The following HDX variants were observed in gnomAD, a reference collection of about 807,000 sequenced individuals.
HDX encodes chromosome X open reading frame 43.
HDX carries 19 observed loss-of-function variants against 45.2 expected under a neutral mutation model. The ratio of observed to expected loss-of-function variants is 0.42; its 90% CI spans 0.29 to 0.62. The LOEUF (loss-of-function observed/expected upper bound fraction) is 0.62, where lower values mean the gene tolerates loss of function less well. HDX is among the 20% of genes least tolerant of loss of function. HDX has a pLI of 0.20. For missense variants in HDX, 532 were observed against 493.9 expected (o/e 1.08, Z -0.73); for synonymous variants, 188 against 172.8 (o/e 1.09, Z -0.69).
intron 6 of HDX, among the ~76,000 whole-genome samples, chrX:84,346,306 C>A (rs2037202414): frequency 9.0e-6 from 1 of 110,766 alleles, no homozygotes; most frequent in Admixed American, 9.7e-5. Context: ...GAGCTATGAT[C>A]ACATTACATT....
intron 5 of HDX, among the ~76,000 whole-genome samples, chrX:84,419,270 TTTCTGGACCTC>T (rs2039191860): frequency 9.1e-6 from 1 of 110,115 alleles, no homozygotes; most frequent in Non-Finnish European, 1.9e-5. Context: ...TTAGACAGCA[TTTCTGGACCTC>T]TTCTGGGCCA....
chrX:84,501,276 G>T (rs891196527), intron 1 of HDX, among the ~76,000 whole-genome samples: 3 of 111,644 alleles, frequency 2.7e-5, no homozygotes, highest in African/African-American at 9.8e-5. Flanking sequence ...AGGGGTGCGG[G>T]AAAGGGCTTC....
chrX:84,392,754 C>G (rs970311811), intron 5 of HDX, among the ~76,000 whole-genome samples: 78 of 108,613 alleles, frequency 7.2e-4, no homozygotes, highest in African/African-American at 2.6e-3. Context: ...ACTTTCGTAT[C>G]CTGATTTTTG....
At chrX:84,334,804 C>T (rs1457139602) in intron 8 of HDX, among the ~76,000 whole-genome samples, 1 of 109,406 alleles carries the variant, frequency 9.1e-6, no homozygotes, top group Non-Finnish European at 1.9e-5. Flanking sequence ...AGAGGAAAAA[C>T]TAAGCTATAT....
intron 7 of HDX, among the ~76,000 whole-genome samples, chrX:84,337,149 AT>A (rs1210912508): frequency 9.0e-6 from 1 of 110,650 alleles, no homozygotes; most frequent in African/African-American, 3.3e-5. Context: ...GAATAGAGAA[AT>A]TTAGAATCTA....
chrX:84,329,199 C>T (rs1241691420), intron 9 of HDX, among the ~76,000 whole-genome samples: 2 of 111,602 alleles, frequency 1.8e-5, no homozygotes, highest in Non-Finnish European at 3.8e-5. Flanking sequence ...TGATTCCAAA[C>T]GGGAGGAAGA....
intron 10 of HDX, among the ~76,000 whole-genome samples, chrX:84,325,167 A>G (rs1298205249): frequency 1.8e-5 from 2 of 110,837 alleles, no homozygotes. Flanking sequence ...TTTGTGGTTC[A>G]GCACTTCAGT....
intron 4 of HDX, among the ~76,000 whole-genome samples, chrX:84,466,408 T>C (rs2040353546): frequency 8.9e-6 from 1 of 112,000 alleles, no homozygotes; most frequent in Non-Finnish European, 1.9e-5. Context: ...TACCTTCTTA[T>C]CTGTTCACAA....
chrX:84,420,143 A>G (rs917314168), intron 5 of HDX, among the ~76,000 whole-genome samples: 11 of 112,230 alleles, frequency 9.8e-5, no homozygotes, highest in African/African-American at 3.6e-4. Flanking sequence ...CTTAACAAAT[A>G]AATTAAATAA....
intron 5 of HDX, among the ~76,000 whole-genome samples, chrX:84,394,144 C>G (rs2038506008): frequency 9.0e-6 from 1 of 111,056 alleles, no homozygotes; most frequent in African/African-American, 3.3e-5. Flanking sequence ...CTATAAACTT[C>G]CCTCTTAGCA....
chrX:84,349,021 C>T (rs2037270384), intron 6 of HDX, among the ~76,000 whole-genome samples: 1 of 111,353 alleles, frequency 9.0e-6, no homozygotes, highest in Admixed American at 9.6e-5. Flanking sequence ...ACAAAAGTGT[C>T]ACCCCCTCCA....
At chrX:84,384,958 T>C (rs1276542008) in intron 5 of HDX, among the ~76,000 whole-genome samples, 1 of 110,424 alleles carries the variant, frequency 9.1e-6, no homozygotes, top group Non-Finnish European at 1.9e-5. Flanking sequence ...AGTCACGTAG[T>C]ATAATGTCTC....
intron 4 of HDX, among the ~76,000 whole-genome samples, chrX:84,452,156 T>A (rs1437287581): frequency 2.7e-5 from 3 of 110,803 alleles, no homozygotes; most frequent in African/African-American, 9.9e-5. Context: ...GTAATGGAAG[T>A]CCCATCCAGA....
At chrX:84,365,512 A>T (rs1460674754) in intron 5 of HDX, among the ~76,000 whole-genome samples, 1 of 111,858 alleles carries the variant, frequency 8.9e-6, no homozygotes, top group Non-Finnish European at 1.9e-5. Context: ...TAGTAACAAG[A>T]AGGTGGTGTA....
At chrX:84,477,439 C>A (rs917713496) in intron 2 of HDX, among the ~76,000 whole-genome samples, 5 of 111,867 alleles carry the variant, frequency 4.5e-5, no homozygotes, top group African/African-American at 1.6e-4. Flanking sequence ...CCCATTGATA[C>A]CAGTAGTCAA....
Position 84,412,172 on chromosome X carries a change from T to C in HDX, c.1305+28360A>G, listed in dbSNP as rs1387166709. ...ATTTAGCCCATTTACATTGAAGATA[T>C]AGATATGTGCAGATTAGATCCTGTT... On this transcript the variant is annotated intron_variant, in intron 5 of 10. Coordinates refer to ENST00000373177, the MANE Select transcript of HDX (RefSeq NM_001177479.2). Among the ~76,000 whole-genome samples the C allele has an allele frequency of 2.7e-5, 3 of 111,585 alleles. No individual in the cohort carries two copies. The Admixed American group carries it at 2.9e-4, about 11-fold the overall frequency.
chrX:84,417,861 C>T (rs753628315), intron 5 of HDX, among the ~76,000 whole-genome samples: 1 of 111,858 alleles, frequency 8.9e-6, no homozygotes, highest in Non-Finnish European at 1.9e-5. Flanking sequence ...TTGGAAAACA[C>T]ACAGAATTGA....
chrX:84,361,571 G>T lies in HDX; in HGVS notation c.1347C>A (p.Thr449=). The T allele has an allele frequency of 8.3e-7, 1 of 1,201,332 alleles. No individual in the cohort carries two copies. Among genetic ancestry groups the T allele is most frequent in the Non-Finnish European group, 1.1e-6 (1 of 888,375 alleles). ...RTQFSDRDLA[T]LKKYWDNGMT... ...TGCCATTGTCCCAATACTTCTTAAG[G>T]GTGGCTAAGTCTCGGTCACTGAACT... The change falls in exon 6 of 11, where the codon ACC becomes ACA. Residue 449 remains threonine, a synonymous_variant. Transcript: ENST00000373177.
intron 6 of HDX, among the ~76,000 whole-genome samples, chrX:84,352,419 C>T (rs892938862): frequency 4.5e-5 from 5 of 112,004 alleles, no homozygotes; most frequent in Non-Finnish European, 9.4e-5. Context: ...TTGATAATTT[C>T]TTTCATAGGA....
Sources: gnomAD v4.1 joint callset for allele counts (sites outside exome capture counted in the v4.1 genomes callset) on GRCh38, gnomAD v4.1.1 for gene constraint, MANE v1.5 for transcripts, NCBI Gene and HGNC (gene_info 2026-07-23, HGNC 2026-07-21) for gene names.